The following CYLD variants were observed in gnomAD, a reference collection of about 807,000 sequenced individuals.
CYLD encodes CYLD lysine 63 deubiquitinase, also known as ubiquitin carboxyl-terminal hydrolase CYLD.
In CYLD, 26 loss-of-function variants were observed where a neutral mutation model predicts 104.5. That is an observed-to-expected ratio of 0.25 (90% CI 0.18 to 0.35). CYLD has a LOEUF of 0.35. Among genes scored for constraint, CYLD ranks in the 10% least tolerant of loss-of-function variants. CYLD has a pLI of 1.00. For missense variants in CYLD, 703 were observed against 1,136.1 expected (o/e 0.62, Z 5.48); for synonymous variants, 385 against 399.9 (o/e 0.96, Z 0.45).
chr16:50,792,799 G>A, intron 16 of CYLD, 94 bp downstream of exon 16: 1 of 709,012 alleles, frequency 1.4e-6, no homozygotes, highest in Non-Finnish European at 2.5e-6. Flanking sequence ...ACTGGACACA[G>A]TATTTCCCAA....
intron 14 of CYLD, 26 bp downstream of exon 14, chr16:50,787,878 A>T (rs751065316): frequency 7.7e-7 from 1 of 1,299,840 alleles, no homozygotes; most frequent in South Asian, 1.2e-5. Context: ...TTCTAGAAGC[A>T]TTGGAAAAAT....
Position 50,794,388 on chromosome 16 carries a change from T to A in CYLD, c.2646T>A (p.Asp882Glu), listed in dbSNP as rs1400529240. ...CTTTTGTGAAGTATGGGAAGGACGA[T>A]TCTGCCTGGCTCTTCTTTGACAGCA... The part of the protein sequence containing the change: ...YVAFVKYGKD[D>E]SAWLFFDSMA... The change falls in exon 18 of 19, where the codon GAT becomes GAA. Residue 882 changes from aspartate to glutamate, a missense_variant. Coordinates refer to ENST00000427738, the MANE Select transcript of CYLD (RefSeq NM_001378743.1). The surrounding 1 kb of genome is among the most constrained non-coding windows in gnomAD (Gnocchi z 4.1). 3 of 1,614,096 alleles carry A rather than the reference T, an allele frequency of 1.9e-6. No homozygotes were observed. Among genetic ancestry groups the A allele is most frequent in the Non-Finnish European group, 2.5e-6 (3 of 1,180,044 alleles).
Position 50,792,716 on chromosome 16 carries a change from G to A in CYLD, c.2350+11G>A, listed in dbSNP as rs1567458375. ...ATTTACTTGAAGACAGTAAGTATGA[G>A]ATTTTTTTAGTTTGTTTTGTTGGTT... is the stretch of plus-strand genomic sequence containing the variant. On this transcript the variant is annotated intron_variant, in intron 16 of 18. Coordinates refer to ENST00000427738, the MANE Select transcript of CYLD (RefSeq NM_001378743.1). 3 of 1,342,006 alleles carry A rather than the reference G, an allele frequency of 2.2e-6. No homozygotes were observed. The highest frequency in any genetic ancestry group is 3.2e-6 in the Non-Finnish European group (3 of 944,394). The allele number at this position is 1,342,006 out of a possible 1,614,324, so 83.1% of individuals were successfully genotyped here. A position where few individuals can be genotyped will look rare whatever the true frequency, so the allele number is the denominator to read the frequency against.
rs757365206 is a variant in CYLD, at chr16:50,793,594, G to A, written c.2399G>A (p.Arg800Lys). 17 of 1,613,968 alleles carry A rather than the reference G, an allele frequency of 1.1e-5. No individual in the cohort carries two copies. The highest frequency in any genetic ancestry group is 1.4e-5 in the Non-Finnish European group (16 of 1,180,002). The change falls in exon 17 of 19, where the codon AGA (arginine) becomes AAA (lysine). Residue 800 changes from arginine (R) to lysine (K), a missense_variant. Physicochemically the swap from Arg to Lys is conservative, Grantham distance 26. This residue lies in a region of CYLD where 130 missense variants were observed against 220.2 expected (regional missense o/e 0.59). Coordinates refer to ENST00000427738, the MANE Select transcript of CYLD (RefSeq NM_001378743.1). ...ICGGLAMYEC[R>K]ECYDDPDISA... Reference sequence around the variant, plus strand: ...GGAGGGCTTGCAATGTATGAGTGTAGAGAATGCTACGACGATCCGGACATC... The same window carrying A: ...GGAGGGCTTGCAATGTATGAGTGTAAAGAATGCTACGACGATCCGGACATC...
Position 50,796,569 on chromosome 16 carries a change from G to A in CYLD, c.*61G>A, listed in dbSNP as rs1972069427. Reference sequence around the variant, plus strand: ...AGAGTCCTAACGTTGCATCTTATTCGAGCTGGCAGTTCTGTTCACGTCCAT... The same window carrying A: ...AGAGTCCTAACGTTGCATCTTATTCAAGCTGGCAGTTCTGTTCACGTCCAT... On this transcript the variant is annotated 3_prime_UTR_variant, in exon 19 of 19. Transcript: ENST00000427738. 6.5e-6 allele frequency: 10 copies of A among 1,549,760 alleles called. No individual in the cohort carries two copies. The highest frequency in any genetic ancestry group is 4.5e-5 in the East Asian group (2 of 44,608).
chr16:50,790,775 A>G (rs185567250), intron 14 of CYLD, among the ~76,000 whole-genome samples: 1 of 152,286 alleles, frequency 6.6e-6, no homozygotes, highest in East Asian at 1.9e-4. Flanking sequence ...TCTAGATATA[A>G]GTTTAGATGT....
chr16:50,790,434 C>A (rs1375395365), intron 14 of CYLD, among the ~76,000 whole-genome samples: 3 of 152,058 alleles, frequency 2.0e-5, no homozygotes, highest in African/African-American at 7.2e-5. Context: ...TTCCTGGTTT[C>A]TTATTTTCCT....
chr16:50,792,738 G>A (rs375106322), intron 16 of CYLD, 33 bp downstream of exon 16: 37 of 1,169,150 alleles, frequency 3.2e-5, no homozygotes, highest in African/African-American at 1.2e-4. Flanking sequence ...TTGTTTTGTT[G>A]GTTTTGTGGA....
intron 5 of CYLD, among the ~76,000 whole-genome samples, chr16:50,760,753 AC>A (rs1967815735): frequency 6.6e-6 from 1 of 152,052 alleles, no homozygotes; most frequent in South Asian, 2.1e-4. Context: ...TGTTACCGTA[AC>A]CTGTACATGT....
At chr16:50,759,159 T>G (rs1344465243) in intron 5 of CYLD, among the ~76,000 whole-genome samples, 1 of 152,174 alleles carries the variant, frequency 6.6e-6, no homozygotes, top group Non-Finnish European at 1.5e-5. Flanking sequence ...GGAGAATCGC[T>G]TGAACCTGGG....
chr16:50,771,793 C>T (rs912088120), intron 5 of CYLD, among the ~76,000 whole-genome samples: 1 of 151,838 alleles, frequency 6.6e-6, no homozygotes, highest in Non-Finnish European at 1.5e-5. Context: ...CTAATTGTTC[C>T]ATCACTATTT....
chr16:50,781,626 A>T, intron 10 of CYLD, among the ~76,000 whole-genome samples: 1 of 152,216 alleles, frequency 6.6e-6, no homozygotes. Context: ...TGGGACTTAT[A>T]AAGTGAATAA....
At chr16:50,784,023 T>C (rs894403368) in intron 11 of CYLD, 9 of 349,718 alleles carry the variant, frequency 2.6e-5, no homozygotes, top group Non-Finnish European at 4.4e-5. Flanking sequence ...CTCTATCAAC[T>C]TTTGCAAAGA....
At chr16:50,782,277 G>C (rs1410449335) in intron 10 of CYLD, 48 bp from the exon 11 acceptor site, 1 of 1,376,252 alleles carries the variant, frequency 7.3e-7, no homozygotes, top group Non-Finnish European at 1.0e-6. Flanking sequence ...TATTGTAATA[G>C]TTTAAAAGAA....
intron 9 of CYLD, 56 bp from the exon 10 acceptor site, chr16:50,781,183 AGTTCTTT>A (rs1970183027): frequency 1.3e-6 from 2 of 1,575,556 alleles, no homozygotes; most frequent in Non-Finnish European, 1.7e-6. Context: ...TAGAAACCTT[AGTTCTTT>A]GTATACTATC....
intron 4 of CYLD, among the ~76,000 whole-genome samples, chr16:50,753,915 C>T (rs1966819021): frequency 6.6e-6 from 1 of 152,098 alleles, no homozygotes; most frequent in Non-Finnish European, 1.5e-5. Flanking sequence ...GAACTTAGGG[C>T]TAATTAGAGG....
chr16:50,749,811 T>G lies in CYLD; in HGVS notation c.113T>G (p.Leu38Arg). ...CSVTDKQTQK[L>R]LKVPKGSIGQ... ...GTTACAGACAAACAAACACAAAAGCTCCTTAAAGTACCGAAGGGAAGTATA... is the reference window on the plus strand; with the variant it reads ...GTTACAGACAAACAAACACAAAAGCGCCTTAAAGTACCGAAGGGAAGTATA... Residue 38 changes from leucine (L) to arginine (R), a missense_variant, in exon 3 of 19, where the codon CTC becomes CGC. By Grantham distance (102) the Leu-to-Arg change is moderately radical. Transcript: ENST00000427738. The G allele has an allele frequency of 6.2e-7, 1 of 1,613,988 alleles. No individual in the cohort carries two copies. Among genetic ancestry groups the G allele is most frequent in the Non-Finnish European group, 8.5e-7 (1 of 1,179,970 alleles).
intron 5 of CYLD, among the ~76,000 whole-genome samples, chr16:50,763,528 T>C (rs1019465584): frequency 2.8e-4 from 42 of 152,208 alleles, no homozygotes; most frequent in African/African-American, 1.0e-3. Context: ...TCCTTGTCAA[T>C]ACTTGTTATT....
Position 50,755,227 on chromosome 16 carries a change from A to G in CYLD, c.913+803A>G, listed in dbSNP as rs78946116. Reference sequence around the variant, plus strand: ...TGTGTGTATATACACACGTGTACATATGTGTGTATATACACACATATGTGT... The same window carrying G: ...TGTGTGTATATACACACGTGTACATGTGTGTGTATATACACACATATGTGT... On this transcript the variant is annotated intron_variant, in intron 5 of 18. Coordinates refer to ENST00000427738, the MANE Select transcript of CYLD (RefSeq NM_001378743.1). Among the ~76,000 whole-genome samples, 167 of 147,958 alleles carry G rather than the reference A, an allele frequency of 1.1e-3. 3 individuals carry two copies. The highest frequency in any genetic ancestry group is 4.0e-3 in the African/African-American group (159 of 40,066).
Sources: allele counts gnomAD v4.1 joint callset (sites outside exome capture counted in the v4.1 genomes callset), GRCh38; gene constraint gnomAD v4.1.1; regional missense constraint gnomAD v4.1.1; non-coding constraint Gnocchi (gnomAD v3.1); transcripts MANE v1.5; gene names NCBI Gene and HGNC (gene_info 2026-07-23, HGNC 2026-07-21).